FSHR: variants seen among roughly 807,000 people sequenced by gnomAD.
The protein encoded by FSHR is follicle stimulating hormone receptor, also known as follicle-stimulating hormone receptor.
FSHR carries 46 observed loss-of-function variants against 52.1 expected under a neutral mutation model. The ratio of observed to expected loss-of-function variants is 0.88; its 90% confidence interval spans 0.70 to 1.13. FSHR has a LOEUF of 1.13. Among genes scored for constraint, FSHR ranks in the 50% most tolerant of loss-of-function variants. The probability of loss-of-function intolerance (pLI) is 0.00; values close to 1 mark genes in which losing one functional copy is unlikely to be tolerated. For missense variants in FSHR, 964 were observed against 834.6 expected, an observed-to-expected ratio of 1.16 and a Z score of -1.91; for synonymous variants, 399 against 309.6, an observed-to-expected ratio of 1.29 and a Z score of -3.03.
chr2:49,124,601 A>G (rs1309785655), intron 1 of FSHR, among the ~76,000 whole-genome samples: 1 of 151,052 alleles, frequency 6.6e-6, no homozygotes, highest in African/African-American at 2.4e-5. Flanking sequence ...TTTTGACACT[A>G]TTTTCTCTCA....
At chr2:49,082,802 A>C (rs2103661234) in intron 1 of FSHR, among the ~76,000 whole-genome samples, 1 of 152,290 alleles carries the variant, frequency 6.6e-6, no homozygotes, top group Non-Finnish European at 1.5e-5. Flanking sequence ...AGAAAAAAGA[A>C]TAAAAAGAAA....
At chr2:49,067,205 G>A (rs1393420225) in intron 2 of FSHR, among the ~76,000 whole-genome samples, 1 of 152,070 alleles carries the variant, frequency 6.6e-6, no homozygotes, top group African/African-American at 2.4e-5. Flanking sequence ...ATTAAAACTA[G>A]CACTGAAACC....
At chr2:49,034,874 G>C (rs1176765441) in intron 2 of FSHR, among the ~76,000 whole-genome samples, 1 of 152,184 alleles carries the variant, frequency 6.6e-6, no homozygotes, top group African/African-American at 2.4e-5. Context: ...AGATGGAAGG[G>C]TTAGAAGGAG....
chr2:48,968,774 T>A lies in FSHR; in HGVS notation c.778A>T (p.Lys260Ter). The A allele has an allele frequency of 1.2e-6, 2 of 1,614,158 alleles. No individual in the cohort carries two copies. Among genetic ancestry groups the A allele is most frequent in the Non-Finnish European group, 1.7e-6 (2 of 1,180,014 alleles). Residue 260 changes from lysine to a stop codon, truncating the protein, a stop_gained, in exon 9 of 10, where the codon AAG becomes TAG. Transcript: ENST00000406846. LOFTEE classifies it high-confidence loss of function. ...YNLKKLPTLE[K>*]LVALMEASLT... ...CTGGCTTCCATGAGGGCGACAAGCT[T>A]TTCCAGAGTAGGCAGCTTTTTTAAG...
chr2:48,972,721 TA>T (rs1025632716), intron 8 of FSHR, among the ~76,000 whole-genome samples: 4 of 151,980 alleles, frequency 2.6e-5, no homozygotes, highest in Admixed American at 1.3e-4. Flanking sequence ...GAAATGAGAT[TA>T]AAAAAAACAT....
chr2:48,993,885 A>G (rs1675899077), intron 4 of FSHR, among the ~76,000 whole-genome samples: 1 of 152,164 alleles, frequency 6.6e-6, no homozygotes, highest in African/African-American at 2.4e-5. Flanking sequence ...TCATTTCTTC[A>G]AAAAGGAGCT....
intron 2 of FSHR, among the ~76,000 whole-genome samples, chr2:49,021,886 TAGAGAGAGAGAGAGAGAGAG>T (rs58926557): frequency 2.0e-4 from 5 of 25,126 alleles, no homozygotes; most frequent in African/African-American, 5.9e-4. Context: ...TATATATATA[TAGAGAGAGAGAGAGAGAGAG>T]AGAGAGAGAG....
intron 1 of FSHR, among the ~76,000 whole-genome samples, chr2:49,148,496 T>C (rs1483592904): frequency 6.6e-6 from 1 of 152,054 alleles, no homozygotes; most frequent in Admixed American, 6.6e-5. Flanking sequence ...CTACCTGTAA[T>C]TGAGCGTCCA....
intron 1 of FSHR, among the ~76,000 whole-genome samples, chr2:49,084,603 C>G (rs956189638): frequency 6.6e-6 from 1 of 151,814 alleles, no homozygotes; most frequent in African/African-American, 2.4e-5. Context: ...GCTAGCAAGA[C>G]TAATAAAGAA....
Position 49,020,093 on chromosome 2 carries a change from G to A in FSHR, c.292C>T (p.His98Tyr). ...CCCAATCTTCTTGCTTACATTTCAT[G>A]TAATTTGGGAAGGTTGGAGAACACA... ...ADVFSNLPKLHEIRIEKANNL... is the reference protein window; with the variant it reads ...ADVFSNLPKLYEIRIEKANNL... The change falls in exon 3 of 10, where the codon CAT becomes TAT. Residue 98 changes from histidine (H) to tyrosine (Y), a missense_variant. Physicochemically the swap from His to Tyr is moderately conservative, Grantham distance 83 (BLOSUM62 2). Coordinates refer to ENST00000406846, the MANE Select transcript of FSHR (RefSeq NM_000145.4). 6.2e-7 allele frequency: 1 copy of A among 1,613,090 alleles called. No individual in the cohort carries two copies.
intron 1 of FSHR, among the ~76,000 whole-genome samples, chr2:49,075,206 A>G (rs955581302): frequency 6.6e-6 from 1 of 152,184 alleles, no homozygotes; most frequent in Non-Finnish European, 1.5e-5. Context: ...ACACAAATAA[A>G]TGGAAAATGT....
At chr2:49,115,247 CTGGAAATGTT>C (rs1164428023) in intron 1 of FSHR, among the ~76,000 whole-genome samples, 1 of 151,816 alleles carries the variant, frequency 6.6e-6, no homozygotes, top group Non-Finnish European at 1.5e-5. Context: ...CTTAATACCT[CTGGAAATGTT>C]TGGAACACAA....
At chr2:49,053,952 A>G (rs185923233) in intron 2 of FSHR, among the ~76,000 whole-genome samples, 38 of 152,356 alleles carry the variant, frequency 2.5e-4, no homozygotes, top group African/African-American at 8.4e-4. Flanking sequence ...GGAGATTAGT[A>G]TTAGAGAAGT....
At chr2:48,970,328 T>C (rs1011757980) in intron 8 of FSHR, among the ~76,000 whole-genome samples, 2 of 152,136 alleles carry the variant, frequency 1.3e-5, no homozygotes, top group Non-Finnish European at 2.9e-5. Flanking sequence ...TTCAGTTGAG[T>C]TTCTCTTCAG....
chr2:49,066,367 A>G (rs1669501788), intron 2 of FSHR, among the ~76,000 whole-genome samples: 2 of 152,000 alleles, frequency 1.3e-5, no homozygotes, highest in Admixed American at 6.6e-5. Flanking sequence ...AACACAAGTG[A>G]AGGAGATAGG....
chr2:49,088,586 A>G (rs549604738), intron 1 of FSHR, among the ~76,000 whole-genome samples: 1 of 152,220 alleles, frequency 6.6e-6, no homozygotes, highest in African/African-American at 2.4e-5. Flanking sequence ...TGACAAACGC[A>G]TTGTGCCTCT....
intron 4 of FSHR, among the ~76,000 whole-genome samples, chr2:48,999,291 G>A (rs905453240): frequency 2.0e-5 from 3 of 152,044 alleles, no homozygotes; most frequent in Non-Finnish European, 4.4e-5. Flanking sequence ...TTGGAGACAG[G>A]TACCCTTACC....
At chr2:48,999,301 C>A (rs1573071800) in intron 4 of FSHR, among the ~76,000 whole-genome samples, 1 of 152,044 alleles carries the variant, frequency 6.6e-6, no homozygotes, top group African/African-American at 2.4e-5. Context: ...GTACCCTTAC[C>A]ATCCTCATAT....
At chr2:49,129,303 C>A (rs1369462907) in intron 1 of FSHR, among the ~76,000 whole-genome samples, 1 of 152,090 alleles carries the variant, frequency 6.6e-6, no homozygotes, top group African/African-American at 2.4e-5. Context: ...CACAGCCAGG[C>A]CAGATAGCCT....
Sources: gnomAD v4.1 joint callset for allele counts (sites outside exome capture counted in the v4.1 genomes callset) on GRCh38, gnomAD v4.1.1 for gene constraint, MANE v1.5 for transcripts, NCBI Gene and HGNC (gene_info 2026-07-23, HGNC 2026-07-21) for gene names.